GRSF1: variants seen among roughly 807,000 people sequenced by gnomAD.
GRSF1 encodes the protein G-rich sequence factor 1.
A neutral mutation model predicts 51.1 loss-of-function variants in GRSF1; 50 were observed. That is an observed-to-expected ratio of 0.98 (90% CI 0.78 to 1.24). GRSF1 has a LOEUF of 1.24. Ranked by LOEUF, GRSF1 falls within the 50% of genes most tolerant of loss-of-function variation. GRSF1 has a pLI of 0.00. For missense variants in GRSF1, 700 were observed against 639.7 expected, an observed-to-expected ratio of 1.09 and a Z score of -1.02; for synonymous variants, 293 against 253.3, an observed-to-expected ratio of 1.16 and a Z score of -1.49.
chr4:70,842,187 G>A (rs532246796), upstream of GRSF1, among the ~76,000 whole-genome samples: 1 of 152,298 alleles, frequency 6.6e-6, no homozygotes, highest in South Asian at 2.1e-4. Context: ...CCCACTGCTT[G>A]TTCGTGATTT....
At chr4:70,830,758 G>A (rs1320164779) in intron 5 of GRSF1, among the ~76,000 whole-genome samples, 6 of 151,892 alleles carry the variant, frequency 4.0e-5, no homozygotes, top group African/African-American at 1.5e-4. Context: ...GGCAGAGAGA[G>A]GATGCAGTGA....
chr4:70,831,518 A>G (rs1733965077), intron 5 of GRSF1, 21 bp downstream of exon 5: 1 of 1,606,324 alleles, frequency 6.2e-7, no homozygotes, highest in African/African-American at 1.3e-5. Flanking sequence ...CTTCTGCATC[A>G]TTAGTATCTG....
chr4:70,836,317 T>G lies in GRSF1; in HGVS notation c.358-3A>C. ...TCCAGGTAAGTAGTTTTGGACTCCT[T>G]CCAAAGGAAATGAAGAATTGTAAAA... On this transcript the variant is annotated splice_polypyrimidine_tract_variant and splice_region_variant and intron_variant, in intron 1 of 9. Transcript: ENST00000254799. The G allele has an allele frequency of 6.4e-7, 1 of 1,553,936 alleles. No homozygotes were observed. The highest frequency in any genetic ancestry group is 8.7e-7 in the Non-Finnish European group (1 of 1,155,462).
Position 70,832,396 on chromosome 4 carries a change from T to C in GRSF1, c.725A>G (p.Lys242Arg), listed in dbSNP as rs951078994. 3.1e-6 allele frequency: 5 copies of C among 1,611,452 alleles called. No homozygotes were observed. Among genetic ancestry groups the C allele is most frequent in the African/African-American group, 1.3e-5 (1 of 74,888 alleles). ...VDALMKSLQV[K>R]SSPVVNDGVV... ...ACCATCATTTACCACAGGCGAAGAT[T>C]TGACCTGCAAGCTCTTCATTAAGGC... The change falls in exon 4 of 10, where the codon AAA (lysine) becomes AGA (arginine). Residue 242 changes from lysine to arginine, a missense_variant. Physicochemically the swap from Lys to Arg is conservative, Grantham distance 26. Transcript: ENST00000254799.
At chr4:70,827,777 CA>C (rs879250559) in intron 6 of GRSF1, 74 bp downstream of exon 6, 98,901 of 763,954 alleles carry the variant, frequency 0.13, no homozygotes, top group South Asian at 0.19. Flanking sequence ...GACTTCATCT[CA>C]AAAAAAAAAA....
chr4:70,820,311 ATTTT>A lies in GRSF1; in HGVS notation c.*572_*575del, dbSNP rs147833252. On this transcript the variant is annotated 3_prime_UTR_variant, in exon 10 of 10. Coordinates refer to ENST00000254799, the MANE Select transcript of GRSF1 (RefSeq NM_002092.4). ...ATTGTCATTTACACTAAGCTGTGGT[ATTTT>A]TTGTTTTGATTTTTAAAAATTCCTA... 4 of 152,618 alleles carry A rather than the reference ATTTT, an allele frequency of 2.6e-5. No individual in the cohort carries two copies. Among genetic ancestry groups the A allele is most frequent in the African/African-American group, 9.6e-5 (4 of 41,456 alleles). The allele number at this position is 152,618 out of a possible 1,614,324, so 9.5% of individuals were successfully genotyped here. A position where few individuals can be genotyped will look rare whatever the true frequency, so the allele number is the denominator to read the frequency against.
chr4:70,830,180 C>A (rs183103452), intron 5 of GRSF1, among the ~76,000 whole-genome samples: 133 of 152,214 alleles, frequency 8.7e-4, no homozygotes, highest in African/African-American at 3.2e-3. Context: ...GTAATCCTAG[C>A]GTTTTGGGAA....
chr4:70,824,033 C>G (rs1466611937), intron 9 of GRSF1, among the ~76,000 whole-genome samples: 1 of 122,264 alleles, frequency 8.2e-6, no homozygotes, highest in Non-Finnish European at 1.6e-5. Context: ...TGCAGTGGCA[C>G]AATCTCAGCT....
chr4:70,836,120 G>A (rs1734196213), intron 2 of GRSF1, 38 bp downstream of exon 2: 5 of 1,219,842 alleles, frequency 4.1e-6, no homozygotes, highest in Non-Finnish European at 4.4e-6. Context: ...ACAATATAAG[G>A]AAAAAAAATA....
At chr4:70,826,914 G>C (rs1446581019) in intron 6 of GRSF1, among the ~76,000 whole-genome samples, 1 of 152,124 alleles carries the variant, frequency 6.6e-6, no homozygotes, top group Non-Finnish European at 1.5e-5. Flanking sequence ...AGTTTAAAAA[G>C]TATTTATGAA....
chr4:70,829,916 T>TAA (rs199526354), intron 5 of GRSF1, among the ~76,000 whole-genome samples: 1 of 147,692 alleles, frequency 6.8e-6, no homozygotes, highest in Non-Finnish European at 1.5e-5. Context: ...CAGAAAACAG[T>TAA]AAAAAAAAAA....
At chr4:70,842,945 C>T (rs945567378), upstream of GRSF1, among the ~76,000 whole-genome samples, 1 of 152,076 alleles carries the variant, frequency 6.6e-6, no homozygotes, top group Non-Finnish European at 1.5e-5. Context: ...TCTCTCACAG[C>T]ACAAACTGAC....
rs903076709 is a variant in GRSF1, at chr4:70,816,515, G to A, written c.*4372C>T. ...GAGGCAGGCAAATGACTGGAGGCCA[G>A]GAGTTCCAGACCAGCCTGGCCAACA... On this transcript the variant is annotated 3_prime_UTR_variant, in exon 10 of 10. Coordinates refer to ENST00000254799, the MANE Select transcript of GRSF1 (RefSeq NM_002092.4). The A allele has an allele frequency of 6.6e-5, 10 of 152,062 alleles. No homozygotes were observed. The highest frequency in any genetic ancestry group is 2.6e-4 in the Admixed American group (4 of 15,254). The allele number at this position is 152,062 out of a possible 1,614,324, so 9.4% of individuals were successfully genotyped here.
At chr4:70,821,921 C>G (rs1443232505) in intron 9 of GRSF1, among the ~76,000 whole-genome samples, 2 of 152,074 alleles carry the variant, frequency 1.3e-5, no homozygotes. Flanking sequence ...GGTGATCTGC[C>G]TGCCTCAGCC....
intron 5 of GRSF1, 53 bp from the exon 6 acceptor site, chr4:70,828,089 T>A: frequency 7.9e-7 from 1 of 1,262,744 alleles, no homozygotes. Context: ...AACTTTATAC[T>A]GAACTCATTT....
chr4:70,839,340 G>A (rs772843839), intron 1 of GRSF1, 131 bp downstream of exon 1: 1 of 1,504,618 alleles, frequency 6.6e-7, no homozygotes, highest in Non-Finnish European at 8.9e-7. Flanking sequence ...GGACGGGGGC[G>A]GGTGTGCGGC....
chr4:70,833,775 T>C (rs1734080976), intron 2 of GRSF1, among the ~76,000 whole-genome samples: 1 of 152,140 alleles, frequency 6.6e-6, no homozygotes, highest in Non-Finnish European at 1.5e-5. Flanking sequence ...CACCTTAGTC[T>C]CCCAAAGTGC....
intron 5 of GRSF1, among the ~76,000 whole-genome samples, chr4:70,828,828 C>G (rs1733840185): frequency 6.6e-6 from 1 of 151,122 alleles, no homozygotes; most frequent in African/African-American, 2.4e-5. Flanking sequence ...ACCTCTGCCT[C>G]CTGGGTTCAA....
At position 70,826,184 on chromosome 4, in the gene GRSF1, A is replaced by T. The variant is rs1733729189; in HGVS notation, c.1197T>A (p.Ser399=). 1 of 1,611,328 alleles carries T rather than the reference A, an allele frequency of 6.2e-7. No homozygotes were observed. Among genetic ancestry groups the T allele is most frequent in the African/African-American group, 1.3e-5 (1 of 74,938 alleles). Reference sequence around the variant, plus strand: ...ATCCTCTCATGTGGACAAAATGCAGAGAAGACGTAGTTCCAAAATCAGCAG... The same window carrying T: ...ATCCTCTCATGTGGACAAAATGCAGTGAAGACGTAGTTCCAAAATCAGCAG... The part of the protein sequence containing the change: ...PEAADFGTTS[S]LHFVHMRGLP... The change falls in exon 7 of 10, where the codon TCT becomes TCA. Residue 399 remains serine (S), a synonymous_variant. Transcript: ENST00000254799.
Sources: gnomAD v4.1 joint callset for allele counts (sites outside exome capture counted in the v4.1 genomes callset) on GRCh38, gnomAD v4.1.1 for gene constraint, MANE v1.5 for transcripts, NCBI Gene and HGNC (gene_info 2026-07-23, HGNC 2026-07-21) for gene names.